Variants in MAGI3 observed in about 807,000 individuals in gnomAD.
The protein encoded by MAGI3 is membrane-associated guanylate kinase, WW and PDZ domain-containing protein 3.
In MAGI3, 43 loss-of-function variants were observed where a neutral mutation model predicts 121.8. The ratio of observed to expected loss-of-function variants is 0.35; its 90% confidence interval spans 0.28 to 0.46. The LOEUF (loss-of-function observed/expected upper bound fraction) is 0.46. Ranked by LOEUF, MAGI3 falls within the 20% of genes least tolerant of loss-of-function variation. The pLI, the probability that MAGI3 is intolerant of heterozygous loss-of-function variation, is 1.00. For missense variants in MAGI3, 1,547 were observed against 1,797.3 expected, an observed-to-expected ratio of 0.86 and a Z score of 2.52; for synonymous variants, 553 against 639.3, an observed-to-expected ratio of 0.86 and a Z score of 2.04.
chr1:113,454,675 A>ATGATGTTCCCC (rs1654659159), intron 1 of MAGI3, among the ~76,000 whole-genome samples: 1 of 151,792 alleles, frequency 6.6e-6, no homozygotes, highest in South Asian at 2.1e-4. Flanking sequence ...GCCCCGGTGT[A>ATGATGTTCCCC]TGATGTTCCC....
At chr1:113,405,755 T>C (rs1651650783) in intron 1 of MAGI3, among the ~76,000 whole-genome samples, 1 of 152,098 alleles carries the variant, frequency 6.6e-6, no homozygotes, top group South Asian at 2.1e-4. Context: ...ATTTGCTCCC[T>C]CTGCAGTTTT....
intron 6 of MAGI3, among the ~76,000 whole-genome samples, chr1:113,599,857 A>G (rs1248498766): frequency 6.6e-6 from 1 of 152,012 alleles, no homozygotes. Context: ...GCAGCACATC[A>G]AAAAGCTTAT....
intron 1 of MAGI3, among the ~76,000 whole-genome samples, chr1:113,451,687 C>A (rs1654492918): frequency 6.6e-6 from 1 of 152,006 alleles, no homozygotes. Flanking sequence ...GTATATTTCC[C>A]TGGGGAACAC....
rs199788498 is a variant in MAGI3 at position 113,492,062 on chromosome 1, C to CA, written c.317-57446dup. Among the ~76,000 whole-genome samples, 623 of 152,038 alleles carry CA rather than the reference C, an allele frequency of 4.1e-3. 3 individuals carry two copies. Among genetic ancestry groups the CA allele is most frequent in the African/African-American group, 0.014 (599 of 41,498 alleles). The stretch of plus-strand genomic sequence containing the variant: ...TGACCAAAACCTAGCAGAGACACAA[C>CA]AAAAAAAGAAAACTTTAGGCCAATA... On this transcript the variant is annotated intron_variant, in intron 1 of 20. Coordinates refer to ENST00000307546, the MANE Select transcript of MAGI3 (RefSeq NM_001142782.2).
intron 1 of MAGI3, among the ~76,000 whole-genome samples, chr1:113,437,955 TC>T: frequency 7.0e-6 from 1 of 143,762 alleles, no homozygotes; most frequent in South Asian, 2.3e-4. Context: ...TTCTCCTTCT[TC>T]TTTTCTTTTT....
chr1:113,646,408 A>T (rs564632017), intron 11 of MAGI3, 78 bp from the exon 12 acceptor site: 2 of 1,206,438 alleles, frequency 1.7e-6, no homozygotes, highest in South Asian at 3.5e-5. Context: ...TGACATATCC[A>T]TTTCAGATAT....
chr1:113,673,436 G>T lies in MAGI3; in HGVS notation c.3160G>T (p.Gly1054Cys). Residue 1054 changes from glycine (G) to cysteine (C), a missense_variant, in exon 19 of 21, where the codon GGT (glycine) becomes TGT (cysteine). Transcript: ENST00000307546. ...GLFILRLAED[G>C]PAIKDGRIHV... is the part of the protein sequence containing the mutation. ...GTTCATCCTTCGTCTTGCTGAAGATGGTCCTGCCATCAAAGATGGCAGAAT... is the reference window on the plus strand; with the variant it reads ...GTTCATCCTTCGTCTTGCTGAAGATTGTCCTGCCATCAAAGATGGCAGAAT... 1.2e-6 allele frequency: 2 copies of T among 1,612,938 alleles called. No individual in the cohort carries two copies. Among genetic ancestry groups the T allele is most frequent in the Non-Finnish European group, 1.7e-6 (2 of 1,179,898 alleles).
rs1370214468 is a variant in MAGI3, at chr1:113,422,549, A to C, written c.316+31200A>C. Among the ~76,000 whole-genome samples the C allele has an allele frequency of 2.6e-5, 4 of 152,250 alleles. No homozygotes were observed. Among genetic ancestry groups the C allele is most frequent in the Non-Finnish European group, 4.4e-5 (3 of 68,034 alleles). ...TGGGGTCTGGCCACTGCGCACAGAC[A>C]GGCATGCCAGCTGCTGCGGGGCAGG... On this transcript the variant is annotated intron_variant, in intron 1 of 20. Coordinates refer to ENST00000307546, the MANE Select transcript of MAGI3 (RefSeq NM_001142782.2). The surrounding 1 kb of genome is among the most constrained non-coding windows in gnomAD (Gnocchi z 4.3).
At chr1:113,595,207 A>T (rs1648924800) in intron 6 of MAGI3, among the ~76,000 whole-genome samples, 1 of 152,100 alleles carries the variant, frequency 6.6e-6, no homozygotes, top group Admixed American at 6.5e-5. Flanking sequence ...GGGAGCTGAA[A>T]TGGGAGGATT....
chr1:113,417,686 C>G (rs1192143596), intron 1 of MAGI3, among the ~76,000 whole-genome samples: 1 of 152,060 alleles, frequency 6.6e-6, no homozygotes, highest in African/African-American at 2.4e-5. Context: ...TGTATTCCTC[C>G]TGTATATGTT....
chr1:113,672,480 A>G, intron 17 of MAGI3, 135 bp from the exon 18 acceptor site: 2 of 840,542 alleles, frequency 2.4e-6, no homozygotes, highest in Non-Finnish European at 3.5e-6. Context: ...GATTTTAGAT[A>G]TAGTCTGTCT....
At chr1:113,400,435 G>A (rs1391180084) in intron 1 of MAGI3, among the ~76,000 whole-genome samples, 3 of 152,044 alleles carry the variant, frequency 2.0e-5, no homozygotes, top group Non-Finnish European at 4.4e-5. Context: ...TGCACTTACT[G>A]TACATAAAAA....
chr1:113,640,820 C>T (rs1181527649), intron 9 of MAGI3, among the ~76,000 whole-genome samples: 1 of 149,752 alleles, frequency 6.7e-6, no homozygotes, highest in African/African-American at 2.5e-5. Context: ...TGTAGCAAAC[C>T]ACCATGGCAC....
intron 16 of MAGI3, among the ~76,000 whole-genome samples, chr1:113,664,414 C>A (rs1653931872): frequency 6.6e-6 from 1 of 152,182 alleles, no homozygotes; most frequent in African/African-American, 2.4e-5. Context: ...CTATAATACA[C>A]ATCTTCACAT....
At chr1:113,450,173 A>G (rs1654403186) in intron 1 of MAGI3, 3 of 1,520,136 alleles carry the variant, frequency 2.0e-6, no homozygotes, top group African/African-American at 1.4e-5. Context: ...GATACAGTTG[A>G]TAAAATTGTT....
chr1:113,399,603 C>G (rs991470407), intron 1 of MAGI3, among the ~76,000 whole-genome samples: 5 of 151,852 alleles, frequency 3.3e-5, no homozygotes, highest in African/African-American at 1.2e-4. Flanking sequence ...TAAAAAATTG[C>G]TTTTATTTAA....
In MAGI3 at chr1:113,629,763, C is replaced by CTCTCCCTCTCCCT. The variant is rs143631602; in HGVS notation, c.1360+6769_1360+6770insTCTCCCTCTCCCT. 2.9e-4 allele frequency among the ~76,000 whole-genome samples: 13 copies of CTCTCCCTCTCCCT among 45,212 alleles called. No homozygotes were observed. The East Asian group carries it at 4.4e-3, about 15-fold the overall frequency. 29.7% of individuals were successfully genotyped at this position (45,212 alleles called of 152,430 possible). A position where few individuals can be genotyped will look rare whatever the true frequency, so the allele number is the denominator to read the frequency against. ...CTCTCTCTCTCTCTCTCTCTCTCTC[C>CTCTCCCTCTCCCT]CTCCCTCCCTCCCTCCCTCCCTCAC... On this transcript the variant is annotated intron_variant, in intron 9 of 20. Transcript: ENST00000307546.
rs114840074 is a variant in MAGI3 at position 113,644,252 on chromosome 1, A to G, written c.1998+478A>G. Among the ~76,000 whole-genome samples the G allele has an allele frequency of 8.6e-3, 1,311 of 152,130 alleles. 11 individuals carry two copies. Among genetic ancestry groups the G allele is most frequent in the Middle Eastern group, 0.014 (4 of 294 alleles). On this transcript the variant is annotated intron_variant, in intron 11 of 20. Transcript: ENST00000307546. ...ATCTTCTTACTTTTAAGACTAAATTAGGCTTATTTTTTTATTATTTATTTT... is the reference window on the plus strand; with the variant it reads ...ATCTTCTTACTTTTAAGACTAAATTGGGCTTATTTTTTTATTATTTATTTT...
intron 6 of MAGI3, among the ~76,000 whole-genome samples, chr1:113,603,352 C>CCAACAACAA (rs58889419): frequency 2.7e-5 from 4 of 150,742 alleles, no homozygotes; most frequent in Non-Finnish European, 4.4e-5. Context: ...TTAAAAATTG[C>CCAACAACAA]CAACAACAAC....
Sources: allele counts gnomAD v4.1 joint callset (sites outside exome capture counted in the v4.1 genomes callset), GRCh38; gene constraint gnomAD v4.1.1; non-coding constraint Gnocchi (gnomAD v3.1); transcripts MANE v1.5; gene names NCBI Gene and HGNC (gene_info 2026-07-23, HGNC 2026-07-21).